The following LPIN1 variants were observed in gnomAD, a reference collection of about 807,000 sequenced individuals.
LPIN1 encodes the protein lipin 1.
In LPIN1, 71 loss-of-function variants were observed where a neutral mutation model predicts 107.5. The observed-to-expected ratio is 0.66, with a 90% confidence interval of 0.55 to 0.80. The LOEUF (loss-of-function observed/expected upper bound fraction) is 0.80, where lower values mean the gene tolerates loss of function less well. LPIN1 is among the 30% of genes least tolerant of loss of function. The pLI is 0.00. For missense variants in LPIN1, 1,043 were observed against 1,160.6 expected (o/e 0.90, Z 1.47); for synonymous variants, 445 against 452.6 (o/e 0.98, Z 0.21).
chr2:11,765,869 A>G lies in LPIN1; in HGVS notation c.192+136A>G, dbSNP rs1670791297. The G allele has an allele frequency of 2.9e-6, 2 of 694,156 alleles. No homozygotes were observed. The highest frequency in any genetic ancestry group is 4.8e-6 in the Non-Finnish European group (2 of 419,936). The allele number at this position is 694,156 out of a possible 1,614,324, so 43.0% of individuals were successfully genotyped here. ...TTGGAAATGGCCAGTCACGGAACTG[A>G]CAGTGACTAATTGAAATTATTCTAG... On this transcript the variant is annotated intron_variant, in intron 2 of 20. Transcript: ENST00000674199. The surrounding 1 kb of genome is among the most constrained non-coding windows in gnomAD (Gnocchi z 4.4).
chr2:11,725,436 A>G (rs999799459), intron 1 of LPIN1, among the ~76,000 whole-genome samples: 2 of 152,170 alleles, frequency 1.3e-5, no homozygotes, highest in Non-Finnish European at 2.9e-5. Flanking sequence ...GATGAGAACA[A>G]TAGGTACCGG....
intron 6 of LPIN1, among the ~76,000 whole-genome samples, chr2:11,777,992 C>T: frequency 6.6e-6 from 1 of 152,160 alleles, no homozygotes; most frequent in Non-Finnish European, 1.5e-5. Flanking sequence ...GAGGCCACAG[C>T]CTGCGCTTTT....
At chr2:11,749,093 A>T (rs1370367900) in intron 1 of LPIN1, among the ~76,000 whole-genome samples, 1 of 152,200 alleles carries the variant, frequency 6.6e-6, no homozygotes, top group African/African-American at 2.4e-5. Flanking sequence ...AATGTATTGT[A>T]TAATAAGCCC....
rs199549327 is a variant in LPIN1 at position 11,736,194 on chromosome 2, G to A, written c.-71-5155G>A. Among the ~76,000 whole-genome samples the A allele has an allele frequency of 2.6e-5, 4 of 152,194 alleles. No individual in the cohort carries two copies. In the East Asian group the frequency reaches 7.7e-4, roughly 29 times the overall value. ...TTGAAACCAATTTGATGCCCTTTAG[G>A]ATGCGAGCATCTTTTCAGGTCTCTT... is the stretch of plus-strand genomic sequence containing the variant. On this transcript the variant is annotated intron_variant, in intron 1 of 21. Transcript: ENST00000396097.
chr2:11,789,099 T>C (rs1418696404), intron 12 of LPIN1, among the ~76,000 whole-genome samples: 2 of 152,278 alleles, frequency 1.3e-5, no homozygotes, highest in East Asian at 3.8e-4. Flanking sequence ...CCTGCTAGAT[T>C]ATACGTTCTT....
chr2:11,795,481 C>CGGTTGGAGG lies in LPIN1; in HGVS notation c.1880_1881insGGTTGGAGG (p.Ala627_Thr628insValGlyGly). On this transcript the variant is annotated inframe_insertion, in exon 14 of 21. Transcript: ENST00000674199. ...GAGCAACCGCCGCAGCTCAGCTTGG[C>CGGTTGGAGG]CACCAGGTGCGGTAGGAGGCTTCTT... The CGGTTGGAGG allele has an allele frequency of 6.2e-7, 1 of 1,614,018 alleles. No homozygotes were observed. The highest frequency in any genetic ancestry group is 8.5e-7 in the Non-Finnish European group (1 of 1,179,902).
At chr2:11,758,924 A>C (rs144045477) in intron 1 of LPIN1, among the ~76,000 whole-genome samples, 1 of 152,342 alleles carries the variant, frequency 6.6e-6, no homozygotes, top group East Asian at 1.9e-4. Flanking sequence ...TTAGTTGAGA[A>C]CAAGAGAGCA....
intron 1 of LPIN1, among the ~76,000 whole-genome samples, chr2:11,764,447 A>G (rs1670461318): frequency 6.6e-6 from 1 of 152,160 alleles, no homozygotes; most frequent in South Asian, 2.1e-4. Flanking sequence ...ATGCCCCGCT[A>G]GTTCCTTGTA....
At chr2:11,685,308 T>C (rs1303519901) in intron 1 of LPIN1, among the ~76,000 whole-genome samples, 1 of 152,114 alleles carries the variant, frequency 6.6e-6, no homozygotes, top group Non-Finnish European at 1.5e-5. Context: ...GTGTGGAGGC[T>C]GGCGGAGCAC....
upstream of LPIN1, among the ~76,000 whole-genome samples, chr2:11,720,108 C>T (rs1664024470): frequency 6.6e-6 from 1 of 152,180 alleles, no homozygotes; most frequent in South Asian, 2.1e-4. Context: ...AGAAGTCTCT[C>T]TTAATTGTTT....
intron 12 of LPIN1, chr2:11,791,666 A>G (rs1165706013): frequency 2.3e-6 from 3 of 1,323,522 alleles, no homozygotes; most frequent in Admixed American, 2.8e-5. Context: ...GTTGTGTTGT[A>G]TTTTATTTGT....
At chr2:11,752,354 A>G (rs532093222) in intron 1 of LPIN1, among the ~76,000 whole-genome samples, 2 of 149,420 alleles carry the variant, frequency 1.3e-5, no homozygotes, top group African/African-American at 5.0e-5. Flanking sequence ...GGGGTTGAAT[A>G]TCTCTCTCAT....
In LPIN1 at chr2:11,801,424, A is replaced by G. The variant is rs180993445; in HGVS notation, c.1887-1483A>G. Among the ~76,000 whole-genome samples, 200 of 152,358 alleles carry G rather than the reference A, an allele frequency of 1.3e-3. 2 individuals are homozygous for G. The highest frequency in any genetic ancestry group is 4.3e-3 in the African/African-American group (179 of 41,590). The stretch of plus-strand genomic sequence containing the variant: ...ACACAATGGAGTACTATTCAGACAT[A>G]AAAAAGAATGAATCCTGTCATTTGT... On this transcript the variant is annotated intron_variant, in intron 14 of 20. Coordinates refer to ENST00000674199, the MANE Select transcript of LPIN1 (RefSeq NM_001349206.2).
intron 18 of LPIN1, chr2:11,817,844 A>C (rs1293417328): frequency 1.3e-5 from 2 of 150,956 alleles, no homozygotes; most frequent in African/African-American, 2.4e-5. Context: ...GAGGCAGGAG[A>C]ATTACATGAA....
chr2:11,816,411 T>C lies in LPIN1; in HGVS notation c.2402+1171T>C, dbSNP rs1031649147. 2.0e-5 allele frequency: 3 copies of C among 152,336 alleles called. No individual in the cohort carries two copies. The South Asian group carries it at 6.2e-4, about 32-fold the overall frequency. 9.4% of individuals were successfully genotyped at this position (152,336 alleles called of 1,614,324 possible). A position where few individuals can be genotyped will look rare whatever the true frequency, so the allele number is the denominator to read the frequency against. ...AAGCCATTCATCAGCCTGTGTTAAGTAGTAAGGCTTTGCTAGGCCAAGCAA... is the reference window on the plus strand; with the variant it reads ...AAGCCATTCATCAGCCTGTGTTAAGCAGTAAGGCTTTGCTAGGCCAAGCAA... On this transcript the variant is annotated intron_variant, in intron 18 of 20. Transcript: ENST00000674199.
chr2:11,804,981 T>TG, intron 16 of LPIN1, 89 bp from the exon 17 acceptor site: 2 of 846,070 alleles, frequency 2.4e-6, no homozygotes, highest in Non-Finnish European at 1.9e-6. Flanking sequence ...GTCTTGTTTG[T>TG]GTTTTTTTTT....
chr2:11,715,351 G>A (rs993930049), intron 2 of LPIN1, among the ~76,000 whole-genome samples: 2 of 152,144 alleles, frequency 1.3e-5, no homozygotes, highest in Non-Finnish European at 2.9e-5. Flanking sequence ...CACAGAGCTG[G>A]GCTCCCAGCA....
chr2:11,806,266 G>A (rs780744122), intron 17 of LPIN1, among the ~76,000 whole-genome samples: 2 of 152,212 alleles, frequency 1.3e-5, no homozygotes, highest in African/African-American at 2.4e-5. Flanking sequence ...TGAATGAACT[G>A]TATTTCCCTG....
At chr2:11,761,682 G>C (rs575106904) in intron 1 of LPIN1, among the ~76,000 whole-genome samples, 3 of 152,172 alleles carry the variant, frequency 2.0e-5, no homozygotes, top group African/African-American at 7.2e-5. Context: ...CCACTCTTGA[G>C]CCTCATTTGC....
Sources: allele counts gnomAD v4.1 joint callset (sites outside exome capture counted in the v4.1 genomes callset), GRCh38; gene constraint gnomAD v4.1.1; non-coding constraint Gnocchi (gnomAD v3.1); transcripts MANE v1.5; gene names NCBI Gene and HGNC (gene_info 2026-07-23, HGNC 2026-07-21).